OPHN1: variants seen among roughly 807,000 people sequenced by gnomAD.
OPHN1 encodes the protein oligophrenin-1.
OPHN1 carries 11 observed loss-of-function variants against 60.7 expected under a neutral mutation model. The observed-to-expected ratio is 0.18, with a 90% CI of 0.11 to 0.30. The LOEUF is 0.30. Ranked by LOEUF, OPHN1 falls within the 10% of genes least tolerant of loss-of-function variation. The pLI is 1.00. For missense variants in OPHN1, 449 were observed against 611.0 expected (o/e 0.73, Z 2.80); for synonymous variants, 226 against 222.6 (o/e 1.02, Z -0.14).
chrX:68,070,646 A>T, intron 20 of OPHN1: 1 of 785,256 alleles, frequency 1.3e-6, no homozygotes, highest in Non-Finnish European at 2.0e-6. Flanking sequence ...AGCAAGTGGC[A>T]GTGTTTCCAC....
At chrX:68,115,861 G>A (rs1229418390) in intron 16 of OPHN1, among the ~76,000 whole-genome samples, 1 of 112,109 alleles carries the variant, frequency 8.9e-6, no homozygotes, top group Non-Finnish European at 1.9e-5. Context: ...GAGGTCCTGA[G>A]AACTTGTGCC....
At chrX:68,084,626 C>T (rs1433206843) in intron 19 of OPHN1, among the ~76,000 whole-genome samples, 1 of 111,030 alleles carries the variant, frequency 9.0e-6, no homozygotes, top group Admixed American at 9.5e-5. Flanking sequence ...AAAACCCTTC[C>T]TCACAGGTTG....
intron 2 of OPHN1, among the ~76,000 whole-genome samples, chrX:68,337,200 TA>T (rs11296193): frequency 0.017 from 1,854 of 112,204 alleles, 34 homozygotes; most frequent in African/African-American, 0.051. Context: ...TCAACTTTTT[TA>T]AAAAATTGTT....
chrX:68,253,918 C>T (rs1218344317), intron 5 of OPHN1, among the ~76,000 whole-genome samples: 2 of 112,124 alleles, frequency 1.8e-5, no homozygotes, highest in Non-Finnish European at 3.8e-5. Flanking sequence ...GGCAGGTCAA[C>T]TTCAATTGTC....
chrX:68,315,401 A>G (rs2078194866), intron 2 of OPHN1, among the ~76,000 whole-genome samples: 2 of 111,757 alleles, frequency 1.8e-5, no homozygotes, highest in South Asian at 7.5e-4. Flanking sequence ...GAAATTCAAC[A>G]CATTTCATAT....
chrX:68,418,611 T>G (rs2078810840), intron 2 of OPHN1, among the ~76,000 whole-genome samples: 1 of 111,784 alleles, frequency 8.9e-6, no homozygotes, highest in African/African-American at 3.3e-5. Flanking sequence ...GTAAAAAATT[T>G]TCCACCTCTA....
chrX:68,346,207 G>T (rs979916455), intron 2 of OPHN1, among the ~76,000 whole-genome samples: 1 of 111,633 alleles, frequency 9.0e-6, no homozygotes, highest in African/African-American at 3.3e-5. Flanking sequence ...AAATTGTATG[G>T]TCTTGAATAC....
At chrX:68,266,515 GC>G (rs989583973) in intron 5 of OPHN1, among the ~76,000 whole-genome samples, 2 of 111,200 alleles carry the variant, frequency 1.8e-5, no homozygotes, top group Non-Finnish European at 3.8e-5. Flanking sequence ...CCCTACAAGA[GC>G]TCCTGAAGGA....
In OPHN1 at chrX:68,047,013, C is replaced by T. The variant is rs2076834581; in HGVS notation, c.*159G>A. The stretch of plus-strand genomic sequence containing the variant: ...AAACACCTGTCTAGGACATATGCTC[C>T]TTATTTTATGGCCTCCCAGAGAGAG... On this transcript the variant is annotated 3_prime_UTR_variant, in exon 25 of 25. Coordinates refer to ENST00000355520, the MANE Select transcript of OPHN1 (RefSeq NM_002547.3). 9.0e-6 allele frequency: 1 copy of T among 111,615 alleles called. No homozygotes were observed. The highest frequency in any genetic ancestry group is 1.9e-5 in the Non-Finnish European group (1 of 53,126). The allele number at this position is 111,615 out of a possible 1,213,427, so 9.2% of individuals were successfully genotyped here. A position where few individuals can be genotyped will look rare whatever the true frequency, so the allele number is the denominator to read the frequency against.
chrX:68,125,954 T>C (rs6624344), intron 15 of OPHN1, among the ~76,000 whole-genome samples: 1,118 of 55,408 alleles, frequency 0.02, 68 homozygotes, highest in Middle Eastern at 0.03. Context: ...TATATATATA[T>C]ATACATACAC....
intron 2 of OPHN1, among the ~76,000 whole-genome samples, chrX:68,378,815 A>G (rs1249772730): frequency 9.0e-6 from 1 of 111,698 alleles, no homozygotes; most frequent in Non-Finnish European, 1.9e-5. Flanking sequence ...TACCAGTACC[A>G]TGCTGTTTTG....
chrX:68,414,924 A>T (rs2078786678), intron 2 of OPHN1, among the ~76,000 whole-genome samples: 1 of 112,446 alleles, frequency 8.9e-6, no homozygotes, highest in Non-Finnish European at 1.9e-5. Flanking sequence ...TAGGTGCATA[A>T]GAATAAAAAA....
chrX:68,392,735 G>A (rs184962013), intron 2 of OPHN1, among the ~76,000 whole-genome samples: 1 of 109,305 alleles, frequency 9.1e-6, no homozygotes, highest in African/African-American at 3.3e-5. Flanking sequence ...CAGAGAAAGA[G>A]AGAACAGGAG....
intron 2 of OPHN1, among the ~76,000 whole-genome samples, chrX:68,421,773 T>TTAC (rs1330033279): frequency 9.0e-6 from 1 of 111,668 alleles, no homozygotes; most frequent in Non-Finnish European, 1.9e-5. Flanking sequence ...AGTGCTGGAC[T>TTAC]TACTGCTCAC....
chrX:68,269,143 G>A (rs1312979486), intron 5 of OPHN1, among the ~76,000 whole-genome samples: 3 of 111,539 alleles, frequency 2.7e-5, no homozygotes, highest in Admixed American at 9.5e-5. Flanking sequence ...AATCAATATC[G>A]TGAAAATGGC....
intron 21 of OPHN1, among the ~76,000 whole-genome samples, chrX:68,056,779 A>C (rs763483765): frequency 8.9e-6 from 1 of 111,961 alleles, no homozygotes; most frequent in African/African-American, 3.2e-5. Flanking sequence ...TGATTCATCC[A>C]CAACCATAGG....
At chrX:68,387,198 G>C (rs371536056) in intron 2 of OPHN1, among the ~76,000 whole-genome samples, 1 of 34,557 alleles carries the variant, frequency 2.9e-5, no homozygotes, top group Non-Finnish European at 7.7e-5. Flanking sequence ...CTTTCTTTCT[G>C]TTTCTCTCTC....
intron 2 of OPHN1, among the ~76,000 whole-genome samples, chrX:68,343,688 GA>G (rs774860339): frequency 1.8e-3 from 192 of 104,780 alleles, no homozygotes; most frequent in Non-Finnish European, 1.2e-3. Context: ...GGATGATAAT[GA>G]AAAAAAAAAG....
rs367709622 is a variant in OPHN1, at chrX:68,334,078, A to G, written c.155-34982T>C. On this transcript the variant is annotated intron_variant, in intron 2 of 24. Coordinates refer to ENST00000355520, the MANE Select transcript of OPHN1 (RefSeq NM_002547.3). ...ACACCCATTTAATTTTTGTATTTTT[A>G]GTAGAGATGGGTTTTCGCCATGTTG... Among the ~76,000 whole-genome samples, 3 of 109,405 alleles carry G rather than the reference A, an allele frequency of 2.7e-5. No homozygotes were observed. The East Asian group carries it at 8.7e-4, about 32-fold the overall frequency.
Sources: gnomAD v4.1 joint callset for allele counts (sites outside exome capture counted in the v4.1 genomes callset) on GRCh38, gnomAD v4.1.1 for gene constraint, MANE v1.5 for transcripts, NCBI Gene and HGNC (gene_info 2026-07-23, HGNC 2026-07-21) for gene names.